Variants in OPCML observed in about 807,000 individuals in gnomAD.
OPCML encodes the protein opioid-binding protein/cell adhesion molecule.
Under a neutral mutation model 37.8 loss-of-function variants are expected in OPCML, and 13 were observed. The ratio of observed to expected loss-of-function variants is 0.34; its 90% CI spans 0.22 to 0.55. OPCML has a LOEUF of 0.55. Among genes scored for constraint, OPCML ranks in the 20% least tolerant of loss-of-function variants. The probability of loss-of-function intolerance (pLI) is 0.91; values close to 1 mark genes in which losing one functional copy is unlikely to be tolerated. For missense variants in OPCML, 341 were observed against 435.6 expected, an observed-to-expected ratio of 0.78 and a Z score of 1.93; for synonymous variants, 176 against 168.8, an observed-to-expected ratio of 1.04 and a Z score of -0.33.
chr11:132,899,626 G>A (rs1456256775), intron 2 of OPCML, among the ~76,000 whole-genome samples: 1 of 152,072 alleles, frequency 6.6e-6, no homozygotes, highest in Non-Finnish European at 1.5e-5. Context: ...TTAACTTTAG[G>A]TGTCAATTTG....
At chr11:133,178,308 G>A (rs1356129660) in intron 1 of OPCML, among the ~76,000 whole-genome samples, 2 of 152,120 alleles carry the variant, frequency 1.3e-5, no homozygotes, top group Admixed American at 1.3e-4. Context: ...GCGTTCCTCA[G>A]ATAGGAAAAT....
intron 2 of OPCML, among the ~76,000 whole-genome samples, chr11:132,777,871 C>T (rs1029274540): frequency 6.6e-6 from 1 of 152,154 alleles, no homozygotes; most frequent in Non-Finnish European, 1.5e-5. Flanking sequence ...TTCTTTCATT[C>T]CCACATAATG....
At chr11:133,074,633 G>A (rs1257276052) in intron 1 of OPCML, among the ~76,000 whole-genome samples, 1 of 152,154 alleles carries the variant, frequency 6.6e-6, no homozygotes, top group Non-Finnish European at 1.5e-5. Context: ...GCTAGTCGGG[G>A]CTCTTGCCCC....
intron 4 of OPCML, among the ~76,000 whole-genome samples, chr11:132,465,520 A>G (rs1037421859): frequency 6.7e-6 from 1 of 150,284 alleles, no homozygotes; most frequent in African/African-American, 2.5e-5. Flanking sequence ...TATTTAATCA[A>G]TTTTTCGATT....
chr11:132,870,884 G>A (rs1047355071), intron 2 of OPCML, among the ~76,000 whole-genome samples: 1 of 152,196 alleles, frequency 6.6e-6, no homozygotes, highest in African/African-American at 2.4e-5. Flanking sequence ...GTGGTTGCCA[G>A]TGGTTACTAG....
chr11:133,238,428 A>G (rs748382671), intron 1 of OPCML, among the ~76,000 whole-genome samples: 8 of 152,278 alleles, frequency 5.3e-5, no homozygotes, highest in Non-Finnish European at 8.8e-5. Flanking sequence ...TTACAATTAT[A>G]ATGTCTCAGC....
At chr11:132,498,576 G>A (rs1476864158) in intron 4 of OPCML, among the ~76,000 whole-genome samples, 1 of 152,130 alleles carries the variant, frequency 6.6e-6, no homozygotes, top group Admixed American at 6.5e-5. Context: ...AGATTACTTG[G>A]CTTTATTTAT....
At chr11:132,558,367 TCCTCCTCTTCCCCTCCTCCCCTCTCCC>T (rs2096402040) in intron 3 of OPCML, among the ~76,000 whole-genome samples, 11 of 16,948 alleles carry the variant, frequency 6.5e-4, no homozygotes, top group African/African-American at 1.2e-3. Context: ...CTCCCCCTCC[TCCTCCTCTTCCCCTCCTCCCCTCTCCC>T]CCTCCTCCTC....
At chr11:133,507,350 C>T (rs1948056616) in intron 1 of OPCML, among the ~76,000 whole-genome samples, 1 of 152,174 alleles carries the variant, frequency 6.6e-6, no homozygotes, top group African/African-American at 2.4e-5. Flanking sequence ...TGCAATCAAT[C>T]CCCATTTTCA....
chr11:132,884,755 CA>C (rs1943346781), intron 2 of OPCML, among the ~76,000 whole-genome samples: 1 of 152,154 alleles, frequency 6.6e-6, no homozygotes, highest in African/African-American at 2.4e-5. Flanking sequence ...ATAATAATAA[CA>C]GTAAGTTAGG....
At chr11:132,462,153 C>T (rs75197202) in intron 4 of OPCML, among the ~76,000 whole-genome samples, 1,561 of 152,266 alleles carry the variant, frequency 0.01, 19 homozygotes, top group South Asian at 0.021. Flanking sequence ...GAATAAGTAG[C>T]AGTACGTGCA....
intron 1 of OPCML, among the ~76,000 whole-genome samples, chr11:132,984,408 T>C (rs1946646934): frequency 6.6e-6 from 1 of 152,248 alleles, no homozygotes; most frequent in Non-Finnish European, 1.5e-5. Context: ...TAGCACTTAC[T>C]ATCTGGCACA....
intron 3 of OPCML, among the ~76,000 whole-genome samples, chr11:132,582,049 A>T (rs148929776): frequency 6.6e-6 from 1 of 151,854 alleles, no homozygotes; most frequent in South Asian, 2.1e-4. Flanking sequence ...AGACAGAGCT[A>T]TCTTAGCATG....
At chr11:133,322,430 C>T (rs189740019) in intron 1 of OPCML, among the ~76,000 whole-genome samples, 12 of 152,314 alleles carry the variant, frequency 7.9e-5, no homozygotes, top group South Asian at 6.2e-4. Flanking sequence ...GCAAACAAAT[C>T]GTCTGGCGAT....
chr11:132,970,912 T>C (rs897220706), intron 1 of OPCML, among the ~76,000 whole-genome samples: 1 of 152,206 alleles, frequency 6.6e-6, no homozygotes, highest in Non-Finnish European at 1.5e-5. Flanking sequence ...CCCTACCTTA[T>C]GTTCTCTATT....
At chr11:132,776,678 A>G (rs1392323857) in intron 2 of OPCML, among the ~76,000 whole-genome samples, 1 of 152,074 alleles carries the variant, frequency 6.6e-6, no homozygotes, top group Non-Finnish European at 1.5e-5. Context: ...AGATGCCAGC[A>G]CCACACTTCT....
At chr11:133,309,237 A>G (rs1943010326) in intron 1 of OPCML, among the ~76,000 whole-genome samples, 1 of 152,190 alleles carries the variant, frequency 6.6e-6, no homozygotes, top group Non-Finnish European at 1.5e-5. Flanking sequence ...TCACCAAGGG[A>G]TCAGGGATAA....
intron 1 of OPCML, among the ~76,000 whole-genome samples, chr11:133,022,308 T>C (rs1340184663): frequency 1.3e-5 from 2 of 152,240 alleles, no homozygotes; most frequent in African/African-American, 4.8e-5. Context: ...CTCACTGTTC[T>C]TTCCCACTCA....
At chr11:133,261,903 C>T (rs1351231272) in intron 1 of OPCML, among the ~76,000 whole-genome samples, 1 of 152,126 alleles carries the variant, frequency 6.6e-6, no homozygotes, top group African/African-American at 2.4e-5. Context: ...TAGGTTAACT[C>T]ACTGCTCTCA....
Sources: gnomAD v4.1 joint callset for allele counts (sites outside exome capture counted in the v4.1 genomes callset) on GRCh38, gnomAD v4.1.1 for gene constraint, MANE v1.5 for transcripts, NCBI Gene and HGNC (gene_info 2026-07-23, HGNC 2026-07-21) for gene names.